The following AGPAT4 variants were observed in gnomAD, a reference collection of about 807,000 sequenced individuals.
AGPAT4 encodes 1-acyl-sn-glycerol-3-phosphate acyltransferase delta.
A neutral mutation model predicts 48.0 loss-of-function variants in AGPAT4; 15 were observed. The ratio of observed to expected loss-of-function variants is 0.31; its 90% CI spans 0.21 to 0.48. AGPAT4 has a LOEUF of 0.48. AGPAT4 is among the 20% of genes least tolerant of loss of function. The pLI is 0.99. For synonymous variants in AGPAT4, 178 were observed against 198.7 expected, an observed-to-expected ratio of 0.90 and a Z score of 0.88; for missense variants, 314 against 482.5, an observed-to-expected ratio of 0.65 and a Z score of 3.27.
In AGPAT4 at chr6:161,159,168, G is replaced by A. The variant is rs867134974; in HGVS notation, c.349-4858C>T. ...AAATGTTTCAGTTCCCTGGAGCCAA[G>A]ACAAGCCATCCAGCCCTATCACTCC... On this transcript the variant is annotated intron_variant, in intron 3 of 8. Coordinates refer to ENST00000320285, the MANE Select transcript of AGPAT4 (RefSeq NM_020133.3). This position sits in a 1 kb window ranked among gnomAD's most constrained non-coding sequence, Gnocchi z 4.1. Among the ~76,000 whole-genome samples the A allele has an allele frequency of 6.6e-6, 1 of 152,158 alleles. No homozygotes were observed. Among genetic ancestry groups the A allele is most frequent in the South Asian group, 2.1e-4 (1 of 4,828 alleles).
In AGPAT4 at chr6:161,140,502, A is replaced by C. The variant is rs532431645; in HGVS notation, c.844-882T>G. Reference sequence around the variant, plus strand: ...GGGACTCACGGCCCCACATAAATGCACTGCGAAAGAACGCGGTGGCTCTTC... The same window carrying C: ...GGGACTCACGGCCCCACATAAATGCCCTGCGAAAGAACGCGGTGGCTCTTC... On this transcript the variant is annotated intron_variant, in intron 7 of 8. Coordinates refer to ENST00000320285, the MANE Select transcript of AGPAT4 (RefSeq NM_020133.3). The surrounding 1 kb of genome is among the most constrained non-coding windows in gnomAD (Gnocchi z 6.5). Among the ~76,000 whole-genome samples the C allele has an allele frequency of 2.4e-4, 36 of 152,336 alleles. No homozygotes were observed. Among genetic ancestry groups the C allele is most frequent in the Non-Finnish European group, 4.6e-4 (31 of 68,028 alleles).
chr6:161,269,401 A>T (rs561466662), intron 1 of AGPAT4, among the ~76,000 whole-genome samples: 2 of 152,350 alleles, frequency 1.3e-5, no homozygotes, highest in Admixed American at 6.5e-5. Flanking sequence ...AGCACAGTTT[A>T]TGCTGTGTGT....
chr6:161,231,919 CAAAACAAA>C lies in AGPAT4; in HGVS notation c.178+109_178+116del. ...AGCCATTTCAAACCTAAAACAAAAA[CAAAACAAA>C]AAAACAGCTCGGCACACAACGAAAG... is the stretch of plus-strand genomic sequence containing the variant. On this transcript the variant is annotated intron_variant, in intron 2 of 8. Transcript: ENST00000320285. This position sits in a 1 kb window ranked among gnomAD's most constrained non-coding sequence, Gnocchi z 5.3. The C allele has an allele frequency of 9.3e-7, 1 of 1,079,952 alleles. No individual in the cohort carries two copies. Among genetic ancestry groups the C allele is most frequent in the Non-Finnish European group, 1.3e-6 (1 of 793,944 alleles). 66.9% of individuals were successfully genotyped at this position (1,079,952 alleles called of 1,614,324 possible). A position where few individuals can be genotyped will look rare whatever the true frequency, so the allele number is the denominator to read the frequency against.
chr6:161,188,115 T>C (rs3798928), intron 2 of AGPAT4, among the ~76,000 whole-genome samples: 67,359 of 152,036 alleles, frequency 0.44, 15,400 homozygotes, highest in East Asian at 0.72. Flanking sequence ...CTTTCTAATT[T>C]TGAAATGGAT....
intron 1 of AGPAT4, among the ~76,000 whole-genome samples, chr6:161,268,348 T>A (rs777544344): frequency 6.6e-6 from 1 of 152,100 alleles, no homozygotes; most frequent in Admixed American, 6.5e-5. Context: ...TTCTCTTCTA[T>A]AAAAAAACAA....
At position 161,204,666 on chromosome 6, in the gene AGPAT4, T is replaced by G. The variant is rs1278452385; in HGVS notation, c.178+27370A>C. Among the ~76,000 whole-genome samples, 1 of 152,050 alleles carries G rather than the reference T, an allele frequency of 6.6e-6. No individual in the cohort carries two copies. Among genetic ancestry groups the G allele is most frequent in the African/African-American group, 2.4e-5 (1 of 41,386 alleles). On this transcript the variant is annotated intron_variant, in intron 2 of 8. Coordinates refer to ENST00000320285, the MANE Select transcript of AGPAT4 (RefSeq NM_020133.3). This position sits in a 1 kb window ranked among gnomAD's most constrained non-coding sequence, Gnocchi z 4.4. ...CAATCAAAATTGATGTATGGTTGTTTGTCATCAGCAGCTGTTAAAAAAAAA... is the reference window on the plus strand; with the variant it reads ...CAATCAAAATTGATGTATGGTTGTTGGTCATCAGCAGCTGTTAAAAAAAAA...
intron 1 of AGPAT4, among the ~76,000 whole-genome samples, chr6:161,260,618 C>T (rs140998179): frequency 1.1e-3 from 153 of 141,670 alleles, no homozygotes; most frequent in African/African-American, 3.8e-3. Context: ...ATTGTGCCAC[C>T]GCACTCCAGC....
chr6:161,169,184 A>C lies in AGPAT4; in HGVS notation c.179-2767T>G, dbSNP rs1209543316. The stretch of plus-strand genomic sequence containing the variant: ...TTACCAGAGTAAGGAGTTATGATTT[A>C]TGATTTCATTCTAAAGGCAATATAA... On this transcript the variant is annotated intron_variant, in intron 2 of 8. Coordinates refer to ENST00000320285, the MANE Select transcript of AGPAT4 (RefSeq NM_020133.3). The surrounding 1 kb of genome is among the most constrained non-coding windows in gnomAD (Gnocchi z 5.0). Among the ~76,000 whole-genome samples the C allele has an allele frequency of 6.6e-6, 1 of 152,168 alleles. No homozygotes were observed. Among genetic ancestry groups the C allele is most frequent in the East Asian group, 1.9e-4 (1 of 5,194 alleles).
In AGPAT4 at chr6:161,251,547, C is replaced by G. The variant is rs1384552192; in HGVS notation, c.-89-19245G>C. On this transcript the variant is annotated intron_variant, in intron 1 of 8. Coordinates refer to ENST00000320285, the MANE Select transcript of AGPAT4 (RefSeq NM_020133.3). The surrounding 1 kb of genome is among the most constrained non-coding windows in gnomAD (Gnocchi z 4.6). ...TCTCCACCTGATCTCCTCTTCCTCT[C>G]CCAGAGGCTGCACAACGTTACCCTG... Among the ~76,000 whole-genome samples the G allele has an allele frequency of 1.3e-5, 2 of 152,198 alleles. No individual in the cohort carries two copies. Among genetic ancestry groups the G allele is most frequent in the African/African-American group, 2.4e-5 (1 of 41,440 alleles).
In AGPAT4 at chr6:161,225,362, C is replaced by G. The variant is rs530799550; in HGVS notation, c.178+6674G>C. On this transcript the variant is annotated intron_variant, in intron 2 of 8. Coordinates refer to ENST00000320285, the MANE Select transcript of AGPAT4 (RefSeq NM_020133.3). The surrounding 1 kb of genome is among the most constrained non-coding windows in gnomAD (Gnocchi z 5.0). ...GGCCATGGGCTTCAGGGATAAGAACCCCTTCCCCTCTCTTGTCCAAGTGTG... is the reference window on the plus strand; with the variant it reads ...GGCCATGGGCTTCAGGGATAAGAACGCCTTCCCCTCTCTTGTCCAAGTGTG... Among the ~76,000 whole-genome samples the G allele has an allele frequency of 3.9e-5, 6 of 152,292 alleles. No individual in the cohort carries two copies. In the East Asian group the frequency reaches 1.2e-3, roughly 29 times the overall value.
Position 161,189,712 on chromosome 6 carries a change from C to A in AGPAT4, c.179-23295G>T, listed in dbSNP as rs1240216877. ...CCCCTCTTCCACCTCACTGTCTCCACCTGCCCCTTCCTCACCCACCGCCCT... is the reference window on the plus strand; with the variant it reads ...CCCCTCTTCCACCTCACTGTCTCCAACTGCCCCTTCCTCACCCACCGCCCT... On this transcript the variant is annotated intron_variant, in intron 2 of 8. Coordinates refer to ENST00000320285, the MANE Select transcript of AGPAT4 (RefSeq NM_020133.3). The surrounding 1 kb of genome is among the most constrained non-coding windows in gnomAD (Gnocchi z 5.3). Among the ~76,000 whole-genome samples, 1 of 152,158 alleles carries A rather than the reference C, an allele frequency of 6.6e-6. No individual in the cohort carries two copies. The highest frequency in any genetic ancestry group is 6.5e-5 in the Admixed American group (1 of 15,280).
rs1308784223 is a variant in AGPAT4, at chr6:161,229,387, CAG to C, written c.178+2647_178+2648del. ...GAGGAGAGTTACAGCATAGACGCTG[CAG>C]AGTCATCTGCTAGTTAAGCTGCTGA... On this transcript the variant is annotated intron_variant, in intron 2 of 8. Coordinates refer to ENST00000320285, the MANE Select transcript of AGPAT4 (RefSeq NM_020133.3). This position sits in a 1 kb window ranked among gnomAD's most constrained non-coding sequence, Gnocchi z 6.0. Among the ~76,000 whole-genome samples, 1 of 152,146 alleles carries C rather than the reference CAG, an allele frequency of 6.6e-6. No homozygotes were observed. Among genetic ancestry groups the C allele is most frequent in the African/African-American group, 2.4e-5 (1 of 41,426 alleles).
Position 161,134,529 on chromosome 6 carries a change from C to G in AGPAT4, c.*2011G>C, listed in dbSNP as rs952083281. ...GGATTCTTAAAGTGTGCTCTTTTAC[C>G]CTTGACACACCCCAAGAGGTAGATA... On this transcript the variant is annotated 3_prime_UTR_variant, in exon 9 of 9. Coordinates refer to ENST00000320285, the MANE Select transcript of AGPAT4 (RefSeq NM_020133.3). 2.0e-5 allele frequency: 3 copies of G among 152,100 alleles called. No homozygotes were observed. Among genetic ancestry groups the G allele is most frequent in the East Asian group, 1.9e-4 (1 of 5,194 alleles). The allele number at this position is 152,100 out of a possible 1,614,324, so 9.4% of individuals were successfully genotyped here.
chr6:161,186,899 T>G (rs1001092451), intron 2 of AGPAT4, among the ~76,000 whole-genome samples: 1 of 152,198 alleles, frequency 6.6e-6, no homozygotes. Context: ...TTTCCAAGTT[T>G]CAGTTCAAAT....
intron 1 of AGPAT4, among the ~76,000 whole-genome samples, chr6:161,271,600 CT>C (rs1210020495): frequency 6.6e-6 from 1 of 152,242 alleles, no homozygotes; most frequent in African/African-American, 2.4e-5. Flanking sequence ...CACAGCTCCA[CT>C]TACCTTCCCT....
At chr6:161,260,750 G>C (rs1382949310) in intron 1 of AGPAT4, among the ~76,000 whole-genome samples, 1 of 151,436 alleles carries the variant, frequency 6.6e-6, no homozygotes, top group Non-Finnish European at 1.5e-5. Context: ...AGCTGGGTGT[G>C]GTGGTGTGCA....
At position 161,266,007 on chromosome 6, in the gene AGPAT4, A is replaced by G. The variant is rs1026045072; in HGVS notation, c.-90+7931T>C. On this transcript the variant is annotated intron_variant, in intron 1 of 8. Transcript: ENST00000320285. The surrounding 1 kb of genome is among the most constrained non-coding windows in gnomAD (Gnocchi z 6.2). ...AAATGGGTTTGCTTTGATCGGACCA[A>G]CCGGATTCCTGAGTGTACCTGACAG... Among the ~76,000 whole-genome samples the G allele has an allele frequency of 4.6e-5, 7 of 152,160 alleles. No homozygotes were observed. Among genetic ancestry groups the G allele is most frequent in the African/African-American group, 1.7e-4 (7 of 41,442 alleles).
rs1169231458 is a variant in AGPAT4, at chr6:161,171,181, G to C, written c.179-4764C>G. The stretch of plus-strand genomic sequence containing the variant: ...GTTGAGAGTTTCAGGTTGCAATCCT[G>C]TAACTAGCGTTACAATGCCAGGAGC... On this transcript the variant is annotated intron_variant, in intron 2 of 8. Coordinates refer to ENST00000320285, the MANE Select transcript of AGPAT4 (RefSeq NM_020133.3). This position sits in a 1 kb window ranked among gnomAD's most constrained non-coding sequence, Gnocchi z 4.4. 6.6e-6 allele frequency among the ~76,000 whole-genome samples: 1 copy of C among 152,218 alleles called. No homozygotes were observed.
intron 2 of AGPAT4, among the ~76,000 whole-genome samples, chr6:161,194,442 GTT>G (rs1264628327): frequency 3.2e-5 from 4 of 126,362 alleles, no homozygotes; most frequent in African/African-American, 1.3e-4. Flanking sequence ...GTGTGTGTGT[GTT>G]TGTGTGTGTG....
Sources: allele counts gnomAD v4.1 joint callset (sites outside exome capture counted in the v4.1 genomes callset), GRCh38; gene constraint gnomAD v4.1.1; non-coding constraint Gnocchi (gnomAD v3.1); transcripts MANE v1.5; gene names NCBI Gene and HGNC (gene_info 2026-07-23, HGNC 2026-07-21).